CLEC2L: variants seen among roughly 807,000 people sequenced by gnomAD.
CLEC2L encodes the protein C-type lectin domain family 2 member L, also known as C-type lectin domain family 2, member L.
In CLEC2L, 14 loss-of-function variants were observed where a neutral mutation model predicts 23.6. The observed-to-expected ratio is 0.59, with a 90% CI of 0.39 to 0.93. The LOEUF is 0.93. CLEC2L is among the 40% of genes least tolerant of loss of function. CLEC2L has a pLI of 0.00. For missense variants in CLEC2L, 264 were observed against 282.4 expected, an observed-to-expected ratio of 0.93 and a Z score of 0.47; for synonymous variants, 114 against 121.3, an observed-to-expected ratio of 0.94 and a Z score of 0.40.
intron 1 of CLEC2L, among the ~76,000 whole-genome samples, chr7:139,527,737 G>A (rs999533537): frequency 1.3e-5 from 2 of 152,158 alleles, no homozygotes; most frequent in African/African-American, 4.8e-5. Context: ...TCAGCCTATA[G>A]ATTTTTTAGT....
chr7:139,543,580 G>T (rs1474960961), intron 4 of CLEC2L, among the ~76,000 whole-genome samples: 1 of 152,226 alleles, frequency 6.6e-6, no homozygotes, highest in Non-Finnish European at 1.5e-5. Context: ...CTGGAAAGGG[G>T]TGATTTGAGG....
intron 1 of CLEC2L, among the ~76,000 whole-genome samples, chr7:139,528,088 T>C (rs1375641990): frequency 1.3e-5 from 2 of 152,306 alleles, no homozygotes; most frequent in East Asian, 3.9e-4. Context: ...CGCCATCTAA[T>C]ATGGGCCATG....
intron 1 of CLEC2L, among the ~76,000 whole-genome samples, chr7:139,534,737 CT>C (rs1352011125): frequency 6.6e-5 from 10 of 151,704 alleles, no homozygotes; most frequent in South Asian, 2.1e-4. Context: ...GTTGCCCCCT[CT>C]TTTTTTCTTT....
chr7:139,540,573 G>A lies in CLEC2L; in HGVS notation c.432+86G>A. The A allele has an allele frequency of 6.9e-7, 1 of 1,454,836 alleles. No individual in the cohort carries two copies. Among genetic ancestry groups the A allele is most frequent in the Non-Finnish European group, 9.4e-7 (1 of 1,066,176 alleles). 90.1% of individuals were successfully genotyped at this position (1,454,836 alleles called of 1,614,324 possible). A position where few individuals can be genotyped will look rare whatever the true frequency, so the allele number is the denominator to read the frequency against. On this transcript the variant is annotated intron_variant, in intron 3 of 4. Coordinates refer to ENST00000422142, the MANE Select transcript of CLEC2L (RefSeq NM_001080511.4). This position sits in a 1 kb window ranked among gnomAD's most constrained non-coding sequence, Gnocchi z 5.8. ...TCTAGGGGACAGCCACACAGTAAAG[G>A]ATGCAGTGTTCCCTGTGACACGTCT...
Position 139,540,218 on chromosome 7 carries a change from C to G in CLEC2L, c.266-103C>G. 8.5e-7 allele frequency: 1 copy of G among 1,180,300 alleles called. No individual in the cohort carries two copies. Among genetic ancestry groups the G allele is most frequent in the Non-Finnish European group, 1.2e-6 (1 of 833,894 alleles). 73.1% of individuals were successfully genotyped at this position (1,180,300 alleles called of 1,614,324 possible). A position where few individuals can be genotyped will look rare whatever the true frequency, so the allele number is the denominator to read the frequency against. On this transcript the variant is annotated intron_variant, in intron 2 of 4. Transcript: ENST00000422142. This position sits in a 1 kb window ranked among gnomAD's most constrained non-coding sequence, Gnocchi z 5.8. The stretch of plus-strand genomic sequence containing the variant: ...GAGAGGACAGCCACATCTGCAGTGT[C>G]CCTGCAGGACGCCAAAGCTGAGGCA...
chr7:139,544,528 T>C lies in CLEC2L; in HGVS notation c.*186T>C. 1.7e-6 allele frequency: 1 copy of C among 596,838 alleles called. No homozygotes were observed. Among genetic ancestry groups the C allele is most frequent in the South Asian group, 2.0e-5 (1 of 49,620 alleles). 37.0% of individuals were successfully genotyped at this position (596,838 alleles called of 1,614,324 possible). A position where few individuals can be genotyped will look rare whatever the true frequency, so the allele number is the denominator to read the frequency against. On this transcript the variant is annotated 3_prime_UTR_variant, in exon 5 of 5. Transcript: ENST00000422142. ...TCCCTGGTTCCTGGCCTCCTTTGTC[T>C]GCAGGCAGGTCGTGTGGCTCAGCAG... is the stretch of plus-strand genomic sequence containing the variant.
intron 4 of CLEC2L, 23 bp from the exon 5 acceptor site, chr7:139,544,208 C>T (rs1797775810): frequency 1.9e-5 from 30 of 1,579,496 alleles, no homozygotes; most frequent in African/African-American, 2.7e-5. Flanking sequence ...TCATAAACGC[C>T]TGGTCTTCTC....
At chr7:139,524,372 G>C (rs534929322) in intron 1 of CLEC2L, among the ~76,000 whole-genome samples, 2 of 152,362 alleles carry the variant, frequency 1.3e-5, no homozygotes, top group African/African-American at 4.8e-5. Context: ...TCTGACCTTG[G>C]AGCGGGCTTC....
chr7:139,543,856 G>A (rs988997564), intron 4 of CLEC2L, among the ~76,000 whole-genome samples: 6 of 152,190 alleles, frequency 3.9e-5, no homozygotes, highest in African/African-American at 1.2e-4. Context: ...GGCCCCAGGG[G>A]GCTATGGGAG....
At position 139,540,560 on chromosome 7, in the gene CLEC2L, C is replaced by A; in HGVS notation, c.432+73C>A. ...CCCCAACCTTGACTCTAGGGGACAG[C>A]CACACAGTAAAGGATGCAGTGTTCC... On this transcript the variant is annotated intron_variant, in intron 3 of 4. Coordinates refer to ENST00000422142, the MANE Select transcript of CLEC2L (RefSeq NM_001080511.4). The surrounding 1 kb of genome is among the most constrained non-coding windows in gnomAD (Gnocchi z 5.8). The A allele has an allele frequency of 6.7e-7, 1 of 1,502,026 alleles. No homozygotes were observed. Among genetic ancestry groups the A allele is most frequent in the Non-Finnish European group, 9.0e-7 (1 of 1,105,890 alleles). 93.0% of individuals were successfully genotyped at this position (1,502,026 alleles called of 1,614,324 possible). A position where few individuals can be genotyped will look rare whatever the true frequency, so the allele number is the denominator to read the frequency against.
At chr7:139,541,888 G>T (rs1218570331) in intron 3 of CLEC2L, 133 bp from the exon 4 acceptor site, 1 of 668,378 alleles carries the variant, frequency 1.5e-6, no homozygotes. Flanking sequence ...GGGATTCAGC[G>T]AGACAACAGT....
At chr7:139,538,807 C>A (rs1797696991) in intron 2 of CLEC2L, among the ~76,000 whole-genome samples, 1 of 152,112 alleles carries the variant, frequency 6.6e-6, no homozygotes, top group Non-Finnish European at 1.5e-5. Flanking sequence ...AACCACTGGG[C>A]CTAGCTTAAA....
chr7:139,537,774 G>T (rs1797680071), intron 2 of CLEC2L, among the ~76,000 whole-genome samples: 1 of 152,190 alleles, frequency 6.6e-6, no homozygotes, highest in Non-Finnish European at 1.5e-5. Context: ...TTTTAGGGTG[G>T]CATATTCTGG....
chr7:139,526,643 C>G (rs1473572878), intron 1 of CLEC2L, among the ~76,000 whole-genome samples: 1 of 152,222 alleles, frequency 6.6e-6, no homozygotes, highest in Non-Finnish European at 1.5e-5. Flanking sequence ...GCAGAGCCTT[C>G]CATTGCCACA....
In CLEC2L at chr7:139,544,840, C is replaced by A. The variant is rs1468597894; in HGVS notation, c.*498C>A. The A allele has an allele frequency of 6.5e-6, 1 of 153,814 alleles. No individual in the cohort carries two copies. The highest frequency in any genetic ancestry group is 2.4e-5 in the African/African-American group (1 of 41,452). 9.5% of individuals were successfully genotyped at this position (153,814 alleles called of 1,614,324 possible). On this transcript the variant is annotated 3_prime_UTR_variant, in exon 5 of 5. Transcript: ENST00000422142. Reference sequence around the variant, plus strand: ...AGGTAGGCTGGGAAAGCTTCCCCCTCACCTAGGCCGGGCCAGCCCCGCCCC... The same window carrying A: ...AGGTAGGCTGGGAAAGCTTCCCCCTAACCTAGGCCGGGCCAGCCCCGCCCC...
rs1797466602 is a variant in CLEC2L at position 139,523,939 on chromosome 7, C to T, written c.12C>T (p.Ala4=). The part of the protein sequence containing the change: MEP[A]REPPSRARPP... Reference sequence around the variant, plus strand: ...GCGGAGCGCCCCGCATGGAGCCGGCCCGGGAGCCCCCCTCGCGGGCCCGGC... The same window carrying T: ...GCGGAGCGCCCCGCATGGAGCCGGCTCGGGAGCCCCCCTCGCGGGCCCGGC... Residue 4 remains alanine (A), a synonymous_variant, in exon 1 of 5, where the codon GCC becomes GCT. Coordinates refer to ENST00000422142, the MANE Select transcript of CLEC2L (RefSeq NM_001080511.4). This position sits in a 1 kb window ranked among gnomAD's most constrained non-coding sequence, Gnocchi z 4.1. 43 of 975,548 alleles carry T rather than the reference C, an allele frequency of 4.4e-5. No homozygotes were observed. In the South Asian group the frequency reaches 1.5e-3, roughly 35 times the overall value. 60.4% of individuals were successfully genotyped at this position (975,548 alleles called of 1,614,324 possible).
In CLEC2L at chr7:139,540,485, C is replaced by A; in HGVS notation, c.430C>A (p.Leu144Met). ...VLAVIQSQKE[L>M]EFMFKFTRRE... ...GGCTGTGATTCAGAGCCAGAAGGAG[C>A]TGGTGAGTGTGCCAAGGTGAAGGGG... The change falls in exon 3 of 5, where the codon CTG becomes ATG. Residue 144 changes from leucine (L) to methionine (M), a missense_variant and splice_region_variant. By Grantham distance (15) the Leu-to-Met change is conservative. Coordinates refer to ENST00000422142, the MANE Select transcript of CLEC2L (RefSeq NM_001080511.4). The surrounding 1 kb of genome is among the most constrained non-coding windows in gnomAD (Gnocchi z 5.8). 1 of 1,587,020 alleles carries A rather than the reference C, an allele frequency of 6.3e-7. No homozygotes were observed.
intron 3 of CLEC2L, among the ~76,000 whole-genome samples, chr7:139,541,667 G>A (rs1326682901): frequency 6.6e-6 from 1 of 152,140 alleles, no homozygotes; most frequent in Admixed American, 6.5e-5. Context: ...CCAACCAGTG[G>A]GCAATCCCCA....
At chr7:139,530,421 G>C (rs1381285575) in intron 1 of CLEC2L, among the ~76,000 whole-genome samples, 7 of 152,110 alleles carry the variant, frequency 4.6e-5, no homozygotes, top group Non-Finnish European at 1.0e-4. Context: ...GCTGAGAACA[G>C]GAGGACTGGT....
Sources: gnomAD v4.1 joint callset for allele counts (sites outside exome capture counted in the v4.1 genomes callset) on GRCh38, gnomAD v4.1.1 for gene constraint, Gnocchi (gnomAD v3.1) non-coding constraint, MANE v1.5 for transcripts, NCBI Gene and HGNC (gene_info 2026-07-23, HGNC 2026-07-21) for gene names.